Variants in PCDHA9 observed in about 807,000 individuals in gnomAD.
The protein encoded by PCDHA9 is protocadherin alpha-9.
Under a neutral mutation model 62.0 loss-of-function variants are expected in PCDHA9, and 62 were observed. The ratio of observed to expected loss-of-function variants is 1.00; its 90% CI spans 0.81 to 1.23. The LOEUF is 1.23. PCDHA9 is among the 50% of genes most tolerant of loss of function. The pLI is 0.00. For missense variants in PCDHA9, 1,205 were observed against 1,249.8 expected, an observed-to-expected ratio of 0.96 and a Z score of 0.54; for synonymous variants, 557 against 567.6, an observed-to-expected ratio of 0.98 and a Z score of 0.27.
At chr5:141,004,839 C>G (rs1168305271) in intron 3 of PCDHA9, among the ~76,000 whole-genome samples, 1 of 152,168 alleles carries the variant, frequency 6.6e-6, no homozygotes, top group Non-Finnish European at 1.5e-5. Context: ...AGATCAAAGT[C>G]ATTAGTCTCA....
chr5:140,999,139 C>T lies in PCDHA9; in HGVS notation c.2543-10488C>T, dbSNP rs185453971. 2.6e-3 allele frequency among the ~76,000 whole-genome samples: 401 copies of T among 152,236 alleles called. 3 individuals carry two copies. The highest frequency in any genetic ancestry group is 5.8e-3 in the South Asian group (28 of 4,818). On this transcript the variant is annotated intron_variant, in intron 3 of 3. Coordinates refer to ENST00000532602, the MANE Select transcript of PCDHA9 (RefSeq NM_031857.2). ...TTTCTAAGCTGGAAAATGTCACAGCCGGAAGTCTTCAGTCCCCTAGAAGGA... is the reference window on the plus strand; with the variant it reads ...TTTCTAAGCTGGAAAATGTCACAGCTGGAAGTCTTCAGTCCCCTAGAAGGA...
Position 140,978,942 on chromosome 5 carries a change from T to C in PCDHA9, c.2395-7T>C, listed in dbSNP as rs781997267. 5 of 1,614,058 alleles carry C rather than the reference T, an allele frequency of 3.1e-6. No individual in the cohort carries two copies. The African/African-American group carries it at 6.7e-5, about 22-fold the overall frequency. ...TTTAACAGAAAACTCTCTTTGTGAT[T>C]TTGCAGCCACGACAGCCCAACCCTG... is the stretch of plus-strand genomic sequence containing the variant. On this transcript the variant is annotated splice_region_variant and splice_polypyrimidine_tract_variant and intron_variant, in intron 1 of 3. Coordinates refer to ENST00000532602, the MANE Select transcript of PCDHA9 (RefSeq NM_031857.2).
chr5:140,895,857 G>C (rs1181424868), intron 1 of PCDHA9, among the ~76,000 whole-genome samples: 1 of 152,116 alleles, frequency 6.6e-6, no homozygotes, highest in Admixed American at 6.5e-5. Flanking sequence ...TGTACCCCAG[G>C]CTGGAGTGCA....
At chr5:140,856,096 GCTT>G (rs782403061) in intron 1 of PCDHA9, 1 of 1,597,460 alleles carries the variant, frequency 6.3e-7, no homozygotes, top group South Asian at 1.1e-5. Flanking sequence ...TGCTGCTCTC[GCTT>G]CTTCTCCTCG....
chr5:140,997,781 C>T (rs1207024588), intron 3 of PCDHA9, among the ~76,000 whole-genome samples: 3 of 151,626 alleles, frequency 2.0e-5, no homozygotes, highest in African/African-American at 7.3e-5. Flanking sequence ...TGTTGTATAC[C>T]TATATTATAA....
intron 1 of PCDHA9, among the ~76,000 whole-genome samples, chr5:140,942,047 T>C (rs2093223138): frequency 6.6e-6 from 1 of 152,228 alleles, no homozygotes; most frequent in African/African-American, 2.4e-5. Context: ...TGGTCTATTA[T>C]GAAATGTTTG....
At chr5:140,916,323 C>G (rs1035282237) in intron 1 of PCDHA9, among the ~76,000 whole-genome samples, 2 of 152,210 alleles carry the variant, frequency 1.3e-5, no homozygotes. Flanking sequence ...ACAAAGTCCC[C>G]TTTACTTTTT....
chr5:140,853,169 G>C lies in PCDHA9; in HGVS notation c.2394+2280G>C, dbSNP rs1002466846. 32 of 959,704 alleles carry C rather than the reference G, an allele frequency of 3.3e-5. 1 individual carries two copies. The South Asian group carries it at 1.3e-3, about 40-fold the overall frequency. 59.4% of individuals were successfully genotyped at this position (959,704 alleles called of 1,614,324 possible). ...GCTGGGATTACAGGCGTGAGCCACC[G>C]CGCCTGGCCTAAAATGTGTTCTTTA... On this transcript the variant is annotated intron_variant, in intron 1 of 3. Transcript: ENST00000532602.
intron 3 of PCDHA9, among the ~76,000 whole-genome samples, chr5:140,996,592 C>T (rs2097733979): frequency 6.7e-6 from 1 of 149,052 alleles, no homozygotes; most frequent in African/African-American, 2.4e-5. Context: ...AGGGCCGCCT[C>T]CCCCCATTTT....
intron 1 of PCDHA9, chr5:140,862,180 CA>C (rs1408132694): frequency 6.0e-6 from 1 of 165,728 alleles, no homozygotes; most frequent in African/African-American, 2.4e-5. Context: ...GCAGTTGACA[CA>C]GGCAATTCCC....
At chr5:140,876,308 A>T in intron 1 of PCDHA9, 1 of 1,614,070 alleles carries the variant, frequency 6.2e-7, no homozygotes, top group South Asian at 1.1e-5. Context: ...GAAATTTCCT[A>T]TGGGATCAAA....
At chr5:140,876,921 C>T (rs1554169105) in intron 1 of PCDHA9, 13 of 1,613,926 alleles carry the variant, frequency 8.1e-6, no homozygotes, top group East Asian at 4.5e-5. Context: ...GGGACGCGGA[C>T]GCGCAGAAGA....
At chr5:140,999,088 G>T (rs1429141341) in intron 3 of PCDHA9, among the ~76,000 whole-genome samples, 1 of 152,156 alleles carries the variant, frequency 6.6e-6, no homozygotes, top group Non-Finnish European at 1.5e-5. Context: ...TCCTTCAGAG[G>T]GCTATGGAGA....
At chr5:140,927,118 G>C in intron 1 of PCDHA9, 1 of 1,613,946 alleles carries the variant, frequency 6.2e-7, no homozygotes, top group Non-Finnish European at 8.5e-7. Context: ...CGGCAATTTG[G>C]TGGTCAGAGA....
chr5:140,881,180 T>G (rs1054668567), intron 1 of PCDHA9: 1 of 167,342 alleles, frequency 6.0e-6, no homozygotes, highest in East Asian at 1.9e-4. Flanking sequence ...TTTTCCTTGC[T>G]AAAGATATGT....
Position 140,993,462 on chromosome 5 carries a change from T to A in PCDHA9, c.2542+10899T>A, listed in dbSNP as rs540334246. Among the ~76,000 whole-genome samples, 1,220 of 141,042 alleles carry A rather than the reference T, an allele frequency of 8.6e-3. 14 individuals carry two copies. The highest frequency in any genetic ancestry group is 0.02 in the African/African-American group (760 of 37,958). 92.5% of individuals were successfully genotyped at this position (141,042 alleles called of 152,430 possible). A position where few individuals can be genotyped will look rare whatever the true frequency, so the allele number is the denominator to read the frequency against. On this transcript the variant is annotated intron_variant, in intron 3 of 3. Coordinates refer to ENST00000532602, the MANE Select transcript of PCDHA9 (RefSeq NM_031857.2). ...CATTCCTGTTCTCCTTCTTTCTTTC[T>A]CACACACACACACACACACACACAC...
intron 1 of PCDHA9, chr5:140,969,555 C>A: frequency 1.6e-6 from 2 of 1,213,380 alleles, no homozygotes; most frequent in Non-Finnish European, 2.2e-6. Flanking sequence ...GAAGCCTTGT[C>A]CATAAAATTG....
intron 1 of PCDHA9, chr5:140,853,593 G>C (rs2042798259): frequency 1.0e-6 from 1 of 986,850 alleles, no homozygotes; most frequent in Admixed American, 6.3e-5. Flanking sequence ...TAGACACTTT[G>C]AGAGCAAAGG....
At chr5:140,925,108 G>GGAAGGAA (rs1554202548) in intron 1 of PCDHA9, among the ~76,000 whole-genome samples, 42 of 124,700 alleles carry the variant, frequency 3.4e-4, no homozygotes, top group African/African-American at 1.4e-3. Context: ...GAAGGAAGGA[G>GGAAGGAA]GGAAGGAAGG....
Sources: allele counts gnomAD v4.1 joint callset (sites outside exome capture counted in the v4.1 genomes callset), GRCh38; gene constraint gnomAD v4.1.1; transcripts MANE v1.5; gene names NCBI Gene and HGNC (gene_info 2026-07-23, HGNC 2026-07-21).